Variants in ITGBL1 observed in about 807,000 individuals in gnomAD.
ITGBL1 encodes the protein integrin subunit beta like 1.
A neutral mutation model predicts 68.5 loss-of-function variants in ITGBL1; 51 were observed. That is an observed-to-expected ratio of 0.74 (90% CI 0.59 to 0.94). ITGBL1 has a LOEUF of 0.94. Among genes scored for constraint, ITGBL1 ranks in the 40% least tolerant of loss-of-function variants. The pLI is 0.00. For missense variants in ITGBL1, 649 were observed against 647.4 expected (o/e 1.00, Z -0.03); for synonymous variants, 209 against 227.3 (o/e 0.92, Z 0.72).
intron 7 of ITGBL1, among the ~76,000 whole-genome samples, chr13:101,683,519 A>G (rs1452895598): frequency 6.6e-6 from 1 of 152,030 alleles, no homozygotes; most frequent in Admixed American, 6.6e-5. Context: ...TGCTAAGAAT[A>G]ATGTTGCTAT....
intron 7 of ITGBL1, among the ~76,000 whole-genome samples, chr13:101,644,656 T>G (rs1278999469): frequency 2.6e-5 from 4 of 152,214 alleles, no homozygotes; most frequent in Non-Finnish European, 5.9e-5. Flanking sequence ...ATATTTACAT[T>G]TATATTTTGT....
chr13:101,507,935 T>A (rs2049052235), intron 2 of ITGBL1, among the ~76,000 whole-genome samples: 1 of 152,290 alleles, frequency 6.6e-6, no homozygotes, highest in East Asian at 1.9e-4. Flanking sequence ...AAACCTTTTC[T>A]TGTGTATTTT....
intron 7 of ITGBL1, among the ~76,000 whole-genome samples, chr13:101,608,071 G>C (rs2030955623): frequency 6.6e-6 from 1 of 151,994 alleles, no homozygotes; most frequent in Non-Finnish European, 1.5e-5. Flanking sequence ...CCCCCATAAG[G>C]GAAGGTGTGA....
chr13:101,463,505 T>C (rs1480432298), intron 2 of ITGBL1, among the ~76,000 whole-genome samples: 2 of 152,210 alleles, frequency 1.3e-5, no homozygotes, highest in African/African-American at 4.8e-5. Flanking sequence ...TCTAATGGAA[T>C]GCTCCAGAAC....
Position 101,564,761 on chromosome 13 carries a change from T to G in ITGBL1, c.317-2938T>G, listed in dbSNP as rs138029742. Among the ~76,000 whole-genome samples, 54 of 151,060 alleles carry G rather than the reference T, an allele frequency of 3.6e-4. 2 individuals carry two copies. The highest frequency in any genetic ancestry group is 1.0e-3 in the African/African-American group (43 of 41,318). On this transcript the variant is annotated intron_variant, in intron 2 of 10. Transcript: ENST00000376180. Reference sequence around the variant, plus strand: ...ATATGTATGTGTATATGTACATATATGTATATGTAATTATATATGTTATAT... The same window carrying G: ...ATATGTATGTGTATATGTACATATAGGTATATGTAATTATATATGTTATAT...
At chr13:101,632,145 C>T (rs561967451) in intron 7 of ITGBL1, among the ~76,000 whole-genome samples, 1 of 149,454 alleles carries the variant, frequency 6.7e-6, no homozygotes, top group Admixed American at 6.6e-5. Context: ...CTCTCTCTCT[C>T]TCTCTATATA....
intron 2 of ITGBL1, among the ~76,000 whole-genome samples, chr13:101,505,416 A>G (rs12870762): frequency 0.34 from 52,327 of 152,060 alleles, 9,355 homozygotes; most frequent in South Asian, 0.39. Flanking sequence ...TATAGAGTAG[A>G]ATGTGATGAA....
intron 7 of ITGBL1, among the ~76,000 whole-genome samples, chr13:101,634,488 G>A (rs1291525050): frequency 6.6e-6 from 1 of 152,118 alleles, no homozygotes. Flanking sequence ...TAAGTTTAGG[G>A]ATATGCAAAG....
chr13:101,502,235 C>T (rs2048954779), intron 2 of ITGBL1, among the ~76,000 whole-genome samples: 1 of 152,132 alleles, frequency 6.6e-6, no homozygotes, highest in Non-Finnish European at 1.5e-5. Flanking sequence ...AAATAAAACA[C>T]ACATTAAGGA....
chr13:101,575,562 C>G lies in ITGBL1; in HGVS notation c.586+16C>G, dbSNP rs778225467. On this transcript the variant is annotated intron_variant, in intron 4 of 10. Coordinates refer to ENST00000376180, the MANE Select transcript of ITGBL1 (RefSeq NM_004791.3). Reference sequence around the variant, plus strand: ...ATATGTGGAGGTATGTATATTGGCTCTGTAGAAATTAATAAAAGTACCTGT... The same window carrying G: ...ATATGTGGAGGTATGTATATTGGCTGTGTAGAAATTAATAAAAGTACCTGT... 6.2e-7 allele frequency: 1 copy of G among 1,607,296 alleles called. No individual in the cohort carries two copies. The highest frequency in any genetic ancestry group is 8.5e-7 in the Non-Finnish European group (1 of 1,176,000).
At chr13:101,700,214 C>A (rs940893981) in intron 8 of ITGBL1, among the ~76,000 whole-genome samples, 4 of 152,200 alleles carry the variant, frequency 2.6e-5, no homozygotes, top group Admixed American at 1.3e-4. Flanking sequence ...AGGCTCAAAA[C>A]AGAGCTGTTT....
chr13:101,612,948 G>A (rs2031201544), intron 7 of ITGBL1, among the ~76,000 whole-genome samples: 1 of 152,140 alleles, frequency 6.6e-6, no homozygotes, highest in African/African-American at 2.4e-5. Flanking sequence ...GGCTCCAACT[G>A]TGAGGGCGTG....
chr13:101,702,600 C>CA (rs963129198), intron 8 of ITGBL1, among the ~76,000 whole-genome samples: 51 of 150,612 alleles, frequency 3.4e-4, no homozygotes, highest in South Asian at 6.3e-4. Flanking sequence ...AGGCAGAAAA[C>CA]AAAAAAAAGA....
In ITGBL1 at chr13:101,548,365, C is replaced by A. The variant is rs1337478934; in HGVS notation, c.317-19334C>A. Among the ~76,000 whole-genome samples the A allele has an allele frequency of 2.6e-5, 4 of 151,796 alleles. 1 individual carries two copies. In the East Asian group the frequency reaches 7.7e-4, roughly 29 times the overall value. Reference sequence around the variant, plus strand: ...GCTTAATCTTAGTATCTTTTAATATCATTTTCCATATTGAGAGATCGATCT... The same window carrying A: ...GCTTAATCTTAGTATCTTTTAATATAATTTTCCATATTGAGAGATCGATCT... On this transcript the variant is annotated intron_variant, in intron 2 of 10. Coordinates refer to ENST00000376180, the MANE Select transcript of ITGBL1 (RefSeq NM_004791.3).
intron 7 of ITGBL1, among the ~76,000 whole-genome samples, chr13:101,602,502 A>G (rs1191463382): frequency 6.6e-6 from 1 of 152,066 alleles, no homozygotes; most frequent in Admixed American, 6.6e-5. Flanking sequence ...GAAAGGAAAC[A>G]AAGACTTTCT....
At chr13:101,550,031 G>A (rs1424004339) in intron 2 of ITGBL1, among the ~76,000 whole-genome samples, 1 of 152,088 alleles carries the variant, frequency 6.6e-6, no homozygotes, top group African/African-American at 2.4e-5. Context: ...GTTAATAAAG[G>A]ACTGCTAGAT....
chr13:101,694,623 A>G (rs1183963523), intron 8 of ITGBL1, among the ~76,000 whole-genome samples: 1 of 152,024 alleles, frequency 6.6e-6, no homozygotes, highest in Admixed American at 6.6e-5. Context: ...GGTCTCACTA[A>G]GTGGCCCAGA....
chr13:101,684,317 A>G (rs919158088), intron 7 of ITGBL1, among the ~76,000 whole-genome samples: 11 of 151,966 alleles, frequency 7.2e-5, no homozygotes, highest in Admixed American at 4.6e-4. Context: ...CTTCTTGTTC[A>G]TAAGTATTTT....
chr13:101,691,799 G>A (rs1377595503), intron 7 of ITGBL1, among the ~76,000 whole-genome samples: 1 of 152,074 alleles, frequency 6.6e-6, no homozygotes, highest in Admixed American at 6.6e-5. Flanking sequence ...AAAGTTACTT[G>A]GCCTCAATAT....
Sources: allele counts gnomAD v4.1 joint callset (sites outside exome capture counted in the v4.1 genomes callset), GRCh38; gene constraint gnomAD v4.1.1; transcripts MANE v1.5; gene names NCBI Gene and HGNC (gene_info 2026-07-23, HGNC 2026-07-21).